TM9SF2: variants seen among roughly 807,000 people sequenced by gnomAD.
The protein encoded by TM9SF2 is 76 kDa membrane protein.
TM9SF2 carries 13 observed loss-of-function variants against 84.9 expected under a neutral mutation model. The ratio of observed to expected loss-of-function variants is 0.15; its 90% CI spans 0.10 to 0.24. The LOEUF is 0.24. TM9SF2 is among the 10% of genes least tolerant of loss of function. The pLI, the probability that TM9SF2 is intolerant of heterozygous loss-of-function variation, is 1.00. For missense variants in TM9SF2, 562 were observed against 818.5 expected (o/e 0.69, Z 3.82); for synonymous variants, 273 against 285.8 (o/e 0.96, Z 0.45).
chr13:99,558,530 G>A (rs2046332938), intron 15 of TM9SF2, among the ~76,000 whole-genome samples: 1 of 152,112 alleles, frequency 6.6e-6, no homozygotes, highest in African/African-American at 2.4e-5. Flanking sequence ...TTTTCATTGT[G>A]CAAGTCTTCC....
At chr13:99,527,790 A>T (rs184606120) in intron 3 of TM9SF2, among the ~76,000 whole-genome samples, 1 of 152,342 alleles carries the variant, frequency 6.6e-6, no homozygotes, top group Admixed American at 6.5e-5. Flanking sequence ...TATTTTCATC[A>T]GTCAGCATGC....
chr13:99,540,780 A>G lies in TM9SF2; in HGVS notation c.895A>G (p.Ile299Val). ...TCTGGAGTCTATGCCTCATACCCACATTCAGTGGTTTAGGTAAGAGTACAG... is the reference window on the plus strand; with the variant it reads ...TCTGGAGTCTATGCCTCATACCCACGTTCAGTGGTTTAGGTAAGAGTACAG... ...YILESMPHTH[I>V]QWFSIMNSLV... The change falls in exon 8 of 17, where the codon ATT (isoleucine) becomes GTT (valine). Residue 299 changes from isoleucine to valine, a missense_variant. Ile to Val is a conservative substitution (Grantham distance 29, BLOSUM62 3). Around this residue, in one of 4 missense-constraint regions of TM9SF2, gnomAD observed 219 missense variants for 338.1 expected, o/e 0.65. Transcript: ENST00000376387. 1.2e-6 allele frequency: 2 copies of G among 1,613,670 alleles called. No individual in the cohort carries two copies. Among genetic ancestry groups the G allele is most frequent in the Non-Finnish European group, 1.7e-6 (2 of 1,179,748 alleles).
intron 3 of TM9SF2, among the ~76,000 whole-genome samples, chr13:99,527,926 C>T (rs1364457088): frequency 6.6e-6 from 1 of 152,176 alleles, no homozygotes; most frequent in African/African-American, 2.4e-5. Context: ...GGTCTCCTAA[C>T]AAGATGGAGT....
At chr13:99,526,781 G>A (rs2046185566) in intron 3 of TM9SF2, among the ~76,000 whole-genome samples, 1 of 152,066 alleles carries the variant, frequency 6.6e-6, no homozygotes, top group Non-Finnish European at 1.5e-5. Flanking sequence ...GGAGCGAGGA[G>A]GAGTGTTGCA....
intron 4 of TM9SF2, among the ~76,000 whole-genome samples, chr13:99,532,046 G>T (rs1036174076): frequency 6.6e-6 from 1 of 150,572 alleles, no homozygotes; most frequent in South Asian, 2.1e-4. Flanking sequence ...GTCTGTGGAT[G>T]ATTTTTTTTT....
intron 1 of TM9SF2, among the ~76,000 whole-genome samples, chr13:99,509,456 C>G (rs568153844): frequency 3.5e-4 from 54 of 152,386 alleles, no homozygotes; most frequent in Admixed American, 5.2e-4. Context: ...CCTCTGAAAT[C>G]TAGGCAGAGG....
chr13:99,546,344 A>G (rs2139103289), intron 10 of TM9SF2, among the ~76,000 whole-genome samples: 1 of 152,302 alleles, frequency 6.6e-6, no homozygotes, highest in East Asian at 1.9e-4. Flanking sequence ...ATTTCTATGA[A>G]TATAATATAG....
chr13:99,512,602 G>A (rs781313660), intron 1 of TM9SF2, among the ~76,000 whole-genome samples: 2 of 152,218 alleles, frequency 1.3e-5, no homozygotes, highest in Non-Finnish European at 2.9e-5. Flanking sequence ...ATAGTAATTG[G>A]TTTAAATGAC....
intron 3 of TM9SF2, among the ~76,000 whole-genome samples, chr13:99,524,810 CCT>C (rs2139083609): frequency 6.6e-6 from 1 of 151,978 alleles, no homozygotes; most frequent in East Asian, 2.0e-4. Flanking sequence ...AGATCCGCCC[CCT>C]CTCAGCCTCC....
At chr13:99,515,732 T>TG (rs1206562905) in intron 1 of TM9SF2, among the ~76,000 whole-genome samples, 2 of 121,992 alleles carry the variant, frequency 1.6e-5, no homozygotes, top group Admixed American at 9.5e-5. Context: ...TGAGAAATAC[T>TG]GGTTTTTTTT....
At chr13:99,512,731 G>C (rs904114302) in intron 1 of TM9SF2, among the ~76,000 whole-genome samples, 2 of 152,180 alleles carry the variant, frequency 1.3e-5, no homozygotes, top group Admixed American at 6.5e-5. Context: ...GATTTCTAAA[G>C]TTTTGACAAC....
At chr13:99,518,667 G>A (rs974378431) in intron 2 of TM9SF2, among the ~76,000 whole-genome samples, 5 of 152,108 alleles carry the variant, frequency 3.3e-5, no homozygotes, top group Admixed American at 2.6e-4. Flanking sequence ...CACGATCATG[G>A]CTCACTGCAG....
intron 3 of TM9SF2, among the ~76,000 whole-genome samples, chr13:99,526,017 A>G (rs1281939306): frequency 6.6e-6 from 1 of 152,216 alleles, no homozygotes; most frequent in African/African-American, 2.4e-5. Flanking sequence ...GGTTGGCCTC[A>G]GTGAGCTCGT....
chr13:99,531,548 A>G (rs2139089718), intron 4 of TM9SF2, among the ~76,000 whole-genome samples: 1 of 152,024 alleles, frequency 6.6e-6, no homozygotes, highest in Admixed American at 6.5e-5. Context: ...GTGCACAGCC[A>G]TGAGCTAGTT....
Position 99,515,734 on chromosome 13 carries a change from GTTT to G in TM9SF2, c.172-1866_172-1864del, listed in dbSNP as rs5806117. On this transcript the variant is annotated intron_variant, in intron 1 of 16. Transcript: ENST00000376387. ...CTCCCTATCCCTATGAGAAATACTG[GTTT>G]TTTTTTTTTTTTTGAAACGGAGTTT... Among the ~76,000 whole-genome samples, 6 of 138,576 alleles carry G rather than the reference GTTT, an allele frequency of 4.3e-5. 1 individual carries two copies. The highest frequency in any genetic ancestry group is 1.3e-4 in the African/African-American group (5 of 37,098). The allele number at this position is 138,576 out of a possible 152,430, so 90.9% of individuals were successfully genotyped here. A position where few individuals can be genotyped will look rare whatever the true frequency, so the allele number is the denominator to read the frequency against.
intron 14 of TM9SF2, 80 bp downstream of exon 14, chr13:99,554,535 A>G (rs1053446089): frequency 8.5e-6 from 12 of 1,410,510 alleles, no homozygotes; most frequent in African/African-American, 7.2e-5. Context: ...ATGGGTTACT[A>G]TTTGTATCCT....
At position 99,554,552 on chromosome 13, in the gene TM9SF2, G is replaced by C. The variant is rs140293510; in HGVS notation, c.1640+97G>C. On this transcript the variant is annotated intron_variant, in intron 14 of 16. Coordinates refer to ENST00000376387, the MANE Select transcript of TM9SF2 (RefSeq NM_004800.3). Reference sequence around the variant, plus strand: ...GGGTTACTATTTGTATCCTGTAAATGTAAGCAGTTCTTCAGTAACCAGAAA... The same window carrying C: ...GGGTTACTATTTGTATCCTGTAAATCTAAGCAGTTCTTCAGTAACCAGAAA... 1.7e-3 allele frequency: 2,249 copies of C among 1,299,530 alleles called. 4 individuals are homozygous for C. The highest frequency in any genetic ancestry group is 2.2e-3 in the Non-Finnish European group (2,086 of 966,466). 80.5% of individuals were successfully genotyped at this position (1,299,530 alleles called of 1,614,324 possible).
chr13:99,524,118 G>A (rs1349030695), intron 3 of TM9SF2, among the ~76,000 whole-genome samples: 2 of 152,190 alleles, frequency 1.3e-5, no homozygotes, highest in Non-Finnish European at 2.9e-5. Flanking sequence ...GTGAGGATTG[G>A]CCTTTACATC....
rs2046308527 is a variant in TM9SF2 at position 99,552,276 on chromosome 13, A to G, written c.1438A>G (p.Ile480Val). The G allele has an allele frequency of 6.2e-7, 1 of 1,614,162 alleles. No individual in the cohort carries two copies. The highest frequency in any genetic ancestry group is 8.5e-7 in the Non-Finnish European group (1 of 1,180,010). The change falls in exon 13 of 17, where the codon ATA (isoleucine) becomes GTA (valine). Residue 480 changes from isoleucine (I) to valine (V), a missense_variant. Physicochemically the swap from Ile to Val is conservative, Grantham distance 29. This residue lies in a region of TM9SF2 where 219 missense variants were observed against 338.1 expected (regional missense o/e 0.65). Transcript: ENST00000376387. The stretch of plus-strand genomic sequence containing the variant: ...TGCCATATTGGCCCTTTGGTTCTGC[A>G]TATCTGTGCCTCTGACGTTTATTGG... The part of the protein sequence containing the change: ...LVAILALWFC[I>V]SVPLTFIGAY...
Sources: allele counts gnomAD v4.1 joint callset (sites outside exome capture counted in the v4.1 genomes callset), GRCh38; gene constraint gnomAD v4.1.1; regional missense constraint gnomAD v4.1.1; transcripts MANE v1.5; gene names NCBI Gene and HGNC (gene_info 2026-07-23, HGNC 2026-07-21).